The following TSPAN14 variants were observed in gnomAD, a reference collection of about 807,000 sequenced individuals.
TSPAN14 encodes the protein tetraspanin 14, also known as tetraspanin-14.
In TSPAN14, 16 loss-of-function variants were observed where a neutral mutation model predicts 36.6. The ratio of observed to expected loss-of-function variants is 0.44; its 90% CI spans 0.30 to 0.66. TSPAN14 has a LOEUF of 0.66. Ranked by LOEUF, TSPAN14 falls within the 30% of genes least tolerant of loss-of-function variation. The pLI, the probability that TSPAN14 is intolerant of heterozygous loss-of-function variation, is 0.12. For synonymous variants in TSPAN14, 139 were observed against 143.8 expected (o/e 0.97, Z 0.24); for missense variants, 231 against 355.1 (o/e 0.65, Z 2.81).
intron 2 of TSPAN14, among the ~76,000 whole-genome samples, chr10:80,490,861 G>A (rs1348665115): frequency 6.6e-6 from 1 of 152,158 alleles, no homozygotes; most frequent in Non-Finnish European, 1.5e-5. Flanking sequence ...AGGAGGGCCT[G>A]GGGACATGAT....
At chr10:80,503,450 C>T (rs1267491547) in intron 2 of TSPAN14, among the ~76,000 whole-genome samples, 3 of 152,134 alleles carry the variant, frequency 2.0e-5, no homozygotes, top group Admixed American at 6.5e-5. Flanking sequence ...CCCTTCTCCC[C>T]ACTGCCTGAC....
At chr10:80,503,575 T>C (rs1166445850) in intron 2 of TSPAN14, among the ~76,000 whole-genome samples, 1 of 152,044 alleles carries the variant, frequency 6.6e-6, no homozygotes, top group East Asian at 1.9e-4. Flanking sequence ...GAGCCAGCAG[T>C]GGGAAGCTGT....
intron 1 of TSPAN14, chr10:80,485,852 G>T (rs983934956): frequency 6.5e-6 from 2 of 306,506 alleles, no homozygotes; most frequent in African/African-American, 4.5e-5. Context: ...AGTGTCACTG[G>T]GACAGCCCCA....
intron 3 of TSPAN14, among the ~76,000 whole-genome samples, chr10:80,506,495 C>A (rs1589293017): frequency 6.6e-6 from 1 of 152,344 alleles, no homozygotes; most frequent in East Asian, 1.9e-4. Context: ...TCCCTTAGTT[C>A]AACCATAATC....
chr10:80,478,207 G>A (rs1454643372), intron 1 of TSPAN14, among the ~76,000 whole-genome samples: 3 of 152,158 alleles, frequency 2.0e-5, no homozygotes, highest in African/African-American at 4.8e-5. Context: ...AAAAGGAACA[G>A]TTAGAAAACA....
intron 1 of TSPAN14, among the ~76,000 whole-genome samples, chr10:80,471,334 C>G (rs1846540017): frequency 6.6e-6 from 1 of 152,112 alleles, no homozygotes; most frequent in African/African-American, 2.4e-5. Context: ...GGGTGGTTTG[C>G]TTCAACCTTG....
intron 2 of TSPAN14, among the ~76,000 whole-genome samples, chr10:80,500,311 ATTCTTTT>A (rs1589283954): frequency 3.7e-5 from 2 of 53,476 alleles, no homozygotes; most frequent in East Asian, 1.1e-3. Flanking sequence ...ACAAGGCCTT[ATTCTTTT>A]TTTTTTTTTT....
At chr10:80,497,636 C>T (rs1047852847) in intron 2 of TSPAN14, among the ~76,000 whole-genome samples, 1 of 152,202 alleles carries the variant, frequency 6.6e-6, no homozygotes, top group Admixed American at 6.5e-5. Flanking sequence ...TCCCTCTCTC[C>T]TGGGGGTACT....
chr10:80,517,730 C>T (rs1200034948), intron 8 of TSPAN14, among the ~76,000 whole-genome samples, 175 bp from the exon 9 acceptor site: 5 of 151,962 alleles, frequency 3.3e-5, no homozygotes, highest in African/African-American at 1.2e-4. Flanking sequence ...CCCTTTTTTG[C>T]GGGAGGGGTG....
At chr10:80,513,849 T>C (rs181373703) in intron 6 of TSPAN14, among the ~76,000 whole-genome samples, 170 bp from the exon 7 acceptor site, 1 of 152,366 alleles carries the variant, frequency 6.6e-6, no homozygotes, top group East Asian at 1.9e-4. Context: ...AGAGAAAGTT[T>C]GCCACCCTGT....
intron 2 of TSPAN14, among the ~76,000 whole-genome samples, chr10:80,500,073 A>G (rs1219633929): frequency 1.3e-5 from 2 of 152,134 alleles, no homozygotes; most frequent in African/African-American, 2.4e-5. Context: ...AAGCGGGCCA[A>G]TGACCCAGTT....
intron 1 of TSPAN14, among the ~76,000 whole-genome samples, chr10:80,470,837 G>C (rs1402722447): frequency 3.9e-5 from 6 of 152,166 alleles, no homozygotes; most frequent in Non-Finnish European, 8.8e-5. Context: ...ATCATCTGCA[G>C]GGCCCAGCCT....
intron 1 of TSPAN14, among the ~76,000 whole-genome samples, chr10:80,488,364 C>A (rs777977714): frequency 1.6e-4 from 24 of 152,224 alleles, no homozygotes; most frequent in Non-Finnish European, 3.1e-4. Context: ...CACCCTCCTG[C>A]AGTAGGATCT....
chr10:80,483,487 G>A (rs990010848), intron 1 of TSPAN14, among the ~76,000 whole-genome samples: 24 of 152,168 alleles, frequency 1.6e-4, no homozygotes, highest in African/African-American at 5.6e-4. Context: ...TATTGATTAA[G>A]GGTGTGACCT....
chr10:80,489,051 G>A lies in TSPAN14; in HGVS notation c.-17-166G>A, dbSNP rs144788221. On this transcript the variant is annotated intron_variant, in intron 1 of 8. Transcript: ENST00000429989. ...CTTTTGGAGAGCTGATTTAACCTGA[G>A]TTTTGCATTACCTATACCTGGCCTT... Among the ~76,000 whole-genome samples, 978 of 152,272 alleles carry A rather than the reference G, an allele frequency of 6.4e-3. 7 individuals are homozygous for A. Among genetic ancestry groups the A allele is most frequent in the Middle Eastern group, 0.024 (7 of 294 alleles).
At chr10:80,501,707 A>G (rs1279357176) in intron 2 of TSPAN14, among the ~76,000 whole-genome samples, 1 of 152,204 alleles carries the variant, frequency 6.6e-6, no homozygotes, top group East Asian at 1.9e-4. Flanking sequence ...GCCCCTGTAT[A>G]GAGCTTGACC....
At chr10:80,482,283 C>T (rs1211329843) in intron 1 of TSPAN14, among the ~76,000 whole-genome samples, 1 of 152,108 alleles carries the variant, frequency 6.6e-6, no homozygotes, top group East Asian at 1.9e-4. Flanking sequence ...ACATATTTCA[C>T]AAAACTGATT....
exon 9 of TSPAN14, chr10:80,518,084 G>A (rs1456226283): frequency 6.0e-6 from 7 of 1,158,182 alleles, no homozygotes; most frequent in Non-Finnish European, 8.8e-6. Context: ...CAGAGCCAGT[G>A]CCCCATCTTA....
chr10:80,483,414 A>G (rs1001393946), intron 1 of TSPAN14, among the ~76,000 whole-genome samples: 5 of 152,176 alleles, frequency 3.3e-5, no homozygotes, highest in Admixed American at 1.3e-4. Flanking sequence ...ATTGCAAACC[A>G]TGAGGTTCAT....
Sources: gnomAD v4.1 joint callset for allele counts (sites outside exome capture counted in the v4.1 genomes callset) on GRCh38, gnomAD v4.1.1 for gene constraint, MANE v1.5 for transcripts, NCBI Gene and HGNC (gene_info 2026-07-23, HGNC 2026-07-21) for gene names.